Variants in CPNE7 observed in about 807,000 individuals in gnomAD.
CPNE7 encodes the protein copine-7.
Under a neutral mutation model 66.5 loss-of-function variants are expected in CPNE7, and 78 were observed. That is an observed-to-expected ratio of 1.17 (90% CI 0.98 to 1.42). CPNE7 has a LOEUF of 1.42. CPNE7 is among the 40% of genes most tolerant of loss of function. The pLI is 0.00. For missense variants in CPNE7, 1,012 were observed against 776.6 expected (o/e 1.30, Z -3.60); for synonymous variants, 468 against 336.7 (o/e 1.39, Z -4.27).
Position 89,588,729 on chromosome 16 carries a change from C to T in CPNE7, c.982C>T (p.His328Tyr), listed in dbSNP as rs375064331. The T allele has an allele frequency of 6.2e-6, 10 of 1,613,534 alleles. No homozygotes were observed. Among genetic ancestry groups the T allele is most frequent in the Admixed American group, 3.3e-5 (2 of 60,000 alleles). The change falls in exon 10 of 15, where the codon CAC (histidine) becomes TAC (tyrosine). Residue 328 changes from histidine (H) to tyrosine (Y), a missense_variant. Transcript: ENST00000319518. ...NGDPRNSCSL[H>Y]YINPYQPNEY... ...AGACCCGCGGAACAGCTGCTCCCTG[C>T]ACTACATCAACCCCTACCAGCCGAA...
rs753852650 is a variant in CPNE7, at chr16:89,591,119, C to A, written c.1169-8C>A. The A allele has an allele frequency of 6.2e-7, 1 of 1,612,754 alleles. No homozygotes were observed. Among genetic ancestry groups the A allele is most frequent in the Non-Finnish European group, 8.5e-7 (1 of 1,179,666 alleles). ...AGGGGGGCCGGGCTCACCCCCTGCCCCCCACAGGCATCCAGGGCGTGGTGG... is the reference window on the plus strand; with the variant it reads ...AGGGGGGCCGGGCTCACCCCCTGCCACCCACAGGCATCCAGGGCGTGGTGG... On this transcript the variant is annotated splice_polypyrimidine_tract_variant and splice_region_variant and intron_variant, in intron 12 of 14. Coordinates refer to ENST00000319518, the MANE Select transcript of CPNE7 (RefSeq NM_153636.3).
At chr16:89,583,990 A>G (rs751523943) in intron 3 of CPNE7, 38 bp from the exon 4 acceptor site, 3 of 1,608,012 alleles carry the variant, frequency 1.9e-6, no homozygotes, top group African/African-American at 1.3e-5. Context: ...GTCAGGCCCC[A>G]CCTGGCCAAG....
intron 14 of CPNE7, 55 bp downstream of exon 14, chr16:89,595,658 C>T: frequency 3.4e-6 from 5 of 1,479,184 alleles, no homozygotes; most frequent in Non-Finnish European, 4.7e-6. Flanking sequence ...CTGTTCATGT[C>T]ACTGCCCAAG....
At chr16:89,595,160 A>C (rs1276239628) in intron 13 of CPNE7, among the ~76,000 whole-genome samples, 1 of 152,058 alleles carries the variant, frequency 6.6e-6, no homozygotes. Context: ...TGAGCTGGGC[A>C]CAGGAGGCCC....
At position 89,584,316 on chromosome 16, in the gene CPNE7, G is replaced by A. The variant is rs2059002610; in HGVS notation, c.507+214G>A. Among the ~76,000 whole-genome samples the A allele has an allele frequency of 6.6e-6, 1 of 152,222 alleles. No homozygotes were observed. Among genetic ancestry groups the A allele is most frequent in the African/African-American group, 2.4e-5 (1 of 41,456 alleles). On this transcript the variant is annotated intron_variant, in intron 4 of 14. Coordinates refer to ENST00000319518, the MANE Select transcript of CPNE7 (RefSeq NM_153636.3). The surrounding 1 kb of genome is among the most constrained non-coding windows in gnomAD (Gnocchi z 6.0). The stretch of plus-strand genomic sequence containing the variant: ...CCCTCCTGGCAGCTGGGCTGGGGCT[G>A]GGGCAGCTCCCTCCTGTGGGGACCA...
chr16:89,587,880 G>A (rs1393243981), intron 9 of CPNE7: 1 of 81,688 alleles, frequency 1.2e-5, no homozygotes, highest in African/African-American at 6.2e-5. Flanking sequence ...GGCCCCCCGT[G>A]TCACCCGCGT....
chr16:89,588,206 G>GCGTGTCACCCACAGAAACACGGCCCCC (rs2059112369), intron 9 of CPNE7, among the ~76,000 whole-genome samples: 1 of 21,146 alleles, frequency 4.7e-5, no homozygotes, highest in Non-Finnish European at 1.0e-4. Flanking sequence ...CGTGTCACCC[G>GCGTGTCACCCACAGAAACACGGCCCCC]CGTGTCACCC....
At position 89,575,876 on chromosome 16, in the gene CPNE7, CG is replaced by C. The variant is rs1326908728; in HGVS notation, c.-19del. 1.1e-5 allele frequency: 13 copies of C among 1,202,132 alleles called. No homozygotes were observed. Among genetic ancestry groups the C allele is most frequent in the African/African-American group, 1.6e-5 (1 of 63,014 alleles). 74.5% of individuals were successfully genotyped at this position (1,202,132 alleles called of 1,614,324 possible). A position where few individuals can be genotyped will look rare whatever the true frequency, so the allele number is the denominator to read the frequency against. ...GCAGCGGCCCCTCAGTGCGCCCAGC[CG>C]GGCCCCCGAACGCCGGGAGCATGAG... is the stretch of plus-strand genomic sequence containing the variant. On this transcript the variant is annotated 5_prime_UTR_variant, in exon 1 of 15. Coordinates refer to ENST00000319518, the MANE Select transcript of CPNE7 (RefSeq NM_153636.3).
intron 3 of CPNE7, 88 bp downstream of exon 3, chr16:89,583,859 C>T: frequency 6.6e-7 from 1 of 1,511,624 alleles, no homozygotes; most frequent in Non-Finnish European, 9.1e-7. Context: ...CAGCAGCGTG[C>T]CGTCCAGGGA....
intron 11 of CPNE7, 47 bp downstream of exon 11, chr16:89,589,998 G>T (rs1484420197): frequency 6.2e-7 from 1 of 1,604,554 alleles, no homozygotes; most frequent in East Asian, 2.2e-5. Flanking sequence ...CCCTTCTCGT[G>T]CCCTCCCAGG....
In CPNE7 at chr16:89,577,452, C is replaced by T. The variant is rs572985580; in HGVS notation, c.175-87C>T. 1,009 of 1,342,754 alleles carry T rather than the reference C, an allele frequency of 7.5e-4. 7 individuals carry two copies. The African/African-American group carries it at 0.013, about 18-fold the overall frequency. The allele number at this position is 1,342,754 out of a possible 1,614,324, so 83.2% of individuals were successfully genotyped here. A position where few individuals can be genotyped will look rare whatever the true frequency, so the allele number is the denominator to read the frequency against. On this transcript the variant is annotated intron_variant, in intron 1 of 14. Coordinates refer to ENST00000319518, the MANE Select transcript of CPNE7 (RefSeq NM_153636.3). ...TATGAGTCCTCCTGAGGTACCTGGG[C>T]GTGGGTGAGCGGCAGAGGGGAGATG...
intron 2 of CPNE7, 99 bp from the exon 3 acceptor site, chr16:89,583,598 C>T (rs2058989726): frequency 1.9e-6 from 3 of 1,605,442 alleles, no homozygotes; most frequent in East Asian, 2.2e-5. Context: ...GATGGGGAGA[C>T]AGGACAGGCC....
chr16:89,577,872 G>A (rs757547950), intron 2 of CPNE7, 151 bp downstream of exon 2: 33 of 647,120 alleles, frequency 5.1e-5, no homozygotes, highest in Non-Finnish European at 8.4e-5. Context: ...GTCATTATTA[G>A]ATTAAAATAT....
At chr16:89,577,151 G>A (rs2058872759) in intron 1 of CPNE7, among the ~76,000 whole-genome samples, 1 of 152,182 alleles carries the variant, frequency 6.6e-6, no homozygotes, top group Admixed American at 6.5e-5. Context: ...GTGAGCCCAT[G>A]GTACCCCAGC....
chr16:89,589,607 C>G (rs993296478), intron 10 of CPNE7, among the ~76,000 whole-genome samples: 7 of 152,194 alleles, frequency 4.6e-5, no homozygotes, highest in Non-Finnish European at 1.0e-4. Flanking sequence ...CACAGGACCC[C>G]TCCCGTGGTC....
At chr16:89,590,301 G>A (rs2059148200) in intron 11 of CPNE7, among the ~76,000 whole-genome samples, 5 of 152,282 alleles carry the variant, frequency 3.3e-5, no homozygotes, top group South Asian at 4.1e-4. Flanking sequence ...GAGGCGGGCC[G>A]ATTACCTGAG....
intron 14 of CPNE7, chr16:89,595,822 A>G: frequency 7.4e-6 from 5 of 677,108 alleles, no homozygotes; most frequent in Non-Finnish European, 1.4e-5. Flanking sequence ...TGTCGAATCT[A>G]CACAAAAGCA....
Position 89,575,773 on chromosome 16 carries a change from C to A in CPNE7, c.-125C>A. ...CGCCCGAGCCACGTGCGCCCGCGCCCGGCAGGCGTTCAGGGAAGCGCGGCC... is the reference window on the plus strand; with the variant it reads ...CGCCCGAGCCACGTGCGCCCGCGCCAGGCAGGCGTTCAGGGAAGCGCGGCC... On this transcript the variant is annotated 5_prime_UTR_variant, in exon 1 of 15. Coordinates refer to ENST00000319518, the MANE Select transcript of CPNE7 (RefSeq NM_153636.3). 1 of 685,622 alleles carries A rather than the reference C, an allele frequency of 1.5e-6. No homozygotes were observed. The highest frequency in any genetic ancestry group is 1.8e-6 in the Non-Finnish European group (1 of 552,290). 42.5% of individuals were successfully genotyped at this position (685,622 alleles called of 1,614,324 possible).
At chr16:89,587,021 C>T (rs376070809) in intron 8 of CPNE7, 22 bp from the exon 9 acceptor site, 89 of 1,569,954 alleles carry the variant, frequency 5.7e-5, no homozygotes, top group Middle Eastern at 1.7e-4. Context: ...CGGGGGTGGA[C>T]GCTGACTCCG....
Sources: gnomAD v4.1 joint callset for allele counts (sites outside exome capture counted in the v4.1 genomes callset) on GRCh38, gnomAD v4.1.1 for gene constraint, Gnocchi (gnomAD v3.1) non-coding constraint, MANE v1.5 for transcripts, NCBI Gene and HGNC (gene_info 2026-07-23, HGNC 2026-07-21) for gene names.